HIPK2: variants seen among roughly 807,000 people sequenced by gnomAD.
HIPK2 encodes homeodomain interacting protein kinase 2.
In HIPK2, 27 loss-of-function variants were observed where a neutral mutation model predicts 113.7. That is an observed-to-expected ratio of 0.24 (90% CI 0.17 to 0.33). The LOEUF is 0.33. Among genes scored for constraint, HIPK2 ranks in the 10% least tolerant of loss-of-function variants. The probability of loss-of-function intolerance (pLI) is 1.00; values close to 1 mark genes in which losing one functional copy is unlikely to be tolerated. For synonymous variants in HIPK2, 631 were observed against 642.2 expected (o/e 0.98, Z 0.26); for missense variants, 1,257 against 1,588.0 (o/e 0.79, Z 3.54).
chr7:139,743,828 C>T (rs186354171), intron 1 of HIPK2, among the ~76,000 whole-genome samples: 147 of 152,278 alleles, frequency 9.7e-4, no homozygotes, highest in African/African-American at 3.3e-3. Context: ...TAAAAGACTA[C>T]AGGGTTCTGC....
chr7:139,728,830 T>C (rs1162391153), intron 1 of HIPK2, among the ~76,000 whole-genome samples: 1 of 152,234 alleles, frequency 6.6e-6, no homozygotes, highest in African/African-American at 2.4e-5. Context: ...CATTTCACTT[T>C]GTGCTTTCTC....
intron 2 of HIPK2, among the ~76,000 whole-genome samples, chr7:139,698,678 G>A (rs1794627596): frequency 6.6e-6 from 1 of 152,186 alleles, no homozygotes; most frequent in South Asian, 2.1e-4. Flanking sequence ...CTCATGAAAG[G>A]ATTGGGCGAT....
At chr7:139,727,010 A>G (rs1222867765) in intron 1 of HIPK2, among the ~76,000 whole-genome samples, 1 of 152,188 alleles carries the variant, frequency 6.6e-6, no homozygotes, top group Non-Finnish European at 1.5e-5. Context: ...TCTATATGCA[A>G]CAAGAAAAAA....
At chr7:139,573,420 G>A (rs770820040) in intron 14 of HIPK2, 23 bp from the exon 15 acceptor site, 8 of 1,597,642 alleles carry the variant, frequency 5.0e-6, no homozygotes, top group South Asian at 1.1e-5. Flanking sequence ...GGCACCAAGA[G>A]AGACGTCAGG....
At chr7:139,583,604 A>G (rs1798738698) in intron 13 of HIPK2, 2 of 627,282 alleles carry the variant, frequency 3.2e-6, no homozygotes, top group African/African-American at 3.7e-5. Flanking sequence ...GGTATTGATT[A>G]CAGGATTAAA....
intron 2 of HIPK2, among the ~76,000 whole-genome samples, chr7:139,690,790 G>T (rs1219547202): frequency 6.6e-6 from 1 of 152,172 alleles, no homozygotes; most frequent in Non-Finnish European, 1.5e-5. Flanking sequence ...CATGAGTGGG[G>T]GCAGCCTGTG....
At chr7:139,713,024 G>A (rs1795116945) in intron 2 of HIPK2, among the ~76,000 whole-genome samples, 1 of 152,204 alleles carries the variant, frequency 6.6e-6, no homozygotes, top group African/African-American at 2.4e-5. Context: ...CCACAGAAAG[G>A]AGAAAGAGGC....
intron 2 of HIPK2, among the ~76,000 whole-genome samples, chr7:139,666,389 C>T (rs1802051040): frequency 6.6e-6 from 1 of 152,186 alleles, no homozygotes; most frequent in Admixed American, 6.5e-5. Context: ...AGACCCAGGG[C>T]TCACTGGAAC....
Position 139,613,462 on chromosome 7 carries a change from GTCC to G in HIPK2, c.1991-142_1991-140del. The G allele has an allele frequency of 5.4e-6, 5 of 917,462 alleles. No individual in the cohort carries two copies. Among genetic ancestry groups the G allele is most frequent in the Non-Finnish European group, 8.0e-6 (5 of 627,138 alleles). The allele number at this position is 917,462 out of a possible 1,614,324, so 56.8% of individuals were successfully genotyped here. A position where few individuals can be genotyped will look rare whatever the true frequency, so the allele number is the denominator to read the frequency against. On this transcript the variant is annotated intron_variant, in intron 8 of 14. Coordinates refer to ENST00000406875, the MANE Select transcript of HIPK2 (RefSeq NM_022740.5). This position sits in a 1 kb window ranked among gnomAD's most constrained non-coding sequence, Gnocchi z 4.2. ...ACTGACAACAACCAGGTATTGCCTGGTCCTTGGAAGTCTCCCCTTTGGCTTCTA... is the reference window on the plus strand; with the variant it reads ...ACTGACAACAACCAGGTATTGCCTGGTTGGAAGTCTCCCCTTTGGCTTCTA...
At chr7:139,722,655 G>A (rs1795447993) in intron 1 of HIPK2, among the ~76,000 whole-genome samples, 1 of 151,904 alleles carries the variant, frequency 6.6e-6, no homozygotes, top group Non-Finnish European at 1.5e-5. Flanking sequence ...CAGGACAGAT[G>A]TTTTATGGAC....
rs908762457 is a variant in HIPK2 at position 139,679,200 on chromosome 7, T to C, written c.1103+36732A>G. Among the ~76,000 whole-genome samples the C allele has an allele frequency of 5.3e-5, 8 of 152,302 alleles. No individual in the cohort carries two copies. The South Asian group carries it at 8.3e-4, about 16-fold the overall frequency. Reference sequence around the variant, plus strand: ...CTGGCCAGAACTTCCAATACTATGTTGAATAGGCGTGGTGAGAGAGGGCAT... The same window carrying C: ...CTGGCCAGAACTTCCAATACTATGTCGAATAGGCGTGGTGAGAGAGGGCAT... On this transcript the variant is annotated intron_variant, in intron 2 of 14. Coordinates refer to ENST00000406875, the MANE Select transcript of HIPK2 (RefSeq NM_022740.5).
At chr7:139,628,431 A>G (rs1800502094) in intron 5 of HIPK2, among the ~76,000 whole-genome samples, 1 of 152,110 alleles carries the variant, frequency 6.6e-6, no homozygotes, top group African/African-American at 2.4e-5. Context: ...GAACCAATAC[A>G]CTGGAATGAT....
chr7:139,774,036 A>C (rs1372645720), intron 1 of HIPK2, among the ~76,000 whole-genome samples: 1 of 152,238 alleles, frequency 6.6e-6, no homozygotes, highest in African/African-American at 2.4e-5. Flanking sequence ...TGGAAAGGTC[A>C]CAGAGGGAGT....
intron 2 of HIPK2, among the ~76,000 whole-genome samples, chr7:139,635,177 C>G (rs1022868622): frequency 2.0e-5 from 3 of 152,124 alleles, no homozygotes; most frequent in South Asian, 4.1e-4. Flanking sequence ...CACCTCTGTC[C>G]CCCGATTCTT....
chr7:139,717,990 C>T (rs1056472782), intron 1 of HIPK2, among the ~76,000 whole-genome samples: 17 of 152,190 alleles, frequency 1.1e-4, no homozygotes, highest in African/African-American at 2.2e-4. Flanking sequence ...GTGATCCACC[C>T]GCCTCAGCCT....
chr7:139,774,427 G>A (rs78672236), intron 1 of HIPK2, among the ~76,000 whole-genome samples: 4,635 of 152,262 alleles, frequency 0.03, 220 homozygotes, highest in African/African-American at 0.1. Flanking sequence ...CAAATGTGGC[G>A]AGAAGAAAAG....
At chr7:139,700,504 T>A (rs1794677654) in intron 2 of HIPK2, among the ~76,000 whole-genome samples, 1 of 152,210 alleles carries the variant, frequency 6.6e-6, no homozygotes, top group Non-Finnish European at 1.5e-5. Flanking sequence ...AACTCTTATG[T>A]TTAGTTCAAA....
intron 1 of HIPK2, among the ~76,000 whole-genome samples, chr7:139,729,954 A>G (rs944989667): frequency 6.6e-6 from 1 of 152,128 alleles, no homozygotes; most frequent in Admixed American, 6.5e-5. Context: ...TACTGGTTCA[A>G]AATCCTCACT....
At chr7:139,733,331 T>C (rs1369427492) in intron 1 of HIPK2, among the ~76,000 whole-genome samples, 1 of 152,224 alleles carries the variant, frequency 6.6e-6, no homozygotes, top group African/African-American at 2.4e-5. Context: ...GGTGGTCAGC[T>C]AGCTCCCAGA....
Sources: allele counts gnomAD v4.1 joint callset (sites outside exome capture counted in the v4.1 genomes callset), GRCh38; gene constraint gnomAD v4.1.1; non-coding constraint Gnocchi (gnomAD v3.1); transcripts MANE v1.5; gene names NCBI Gene and HGNC (gene_info 2026-07-23, HGNC 2026-07-21).